The following ENOX1 variants were observed in gnomAD, a reference collection of about 807,000 sequenced individuals.
ENOX1 encodes ecto-NOX disulfide-thiol exchanger 1.
In ENOX1, 42 loss-of-function variants were observed where a neutral mutation model predicts 82.5. That is an observed-to-expected ratio of 0.51 (90% CI 0.40 to 0.66). The LOEUF is 0.66. Ranked by LOEUF, ENOX1 falls within the 30% of genes least tolerant of loss-of-function variation. ENOX1 has a pLI of 0.00. For synonymous variants in ENOX1, 271 were observed against 282.2 expected, an observed-to-expected ratio of 0.96 and a Z score of 0.40; for missense variants, 608 against 811.6, an observed-to-expected ratio of 0.75 and a Z score of 3.05.
chr13:43,578,525 T>C (rs2080547928), intron 2 of ENOX1, among the ~76,000 whole-genome samples: 1 of 152,232 alleles, frequency 6.6e-6, no homozygotes, highest in Non-Finnish European at 1.5e-5. Context: ...ATGAAATTTA[T>C]CCTCAGTTCA....
intron 2 of ENOX1, among the ~76,000 whole-genome samples, chr13:43,582,395 A>G (rs868146079): frequency 9.2e-5 from 14 of 152,186 alleles, no homozygotes; most frequent in African/African-American, 3.1e-4. Context: ...CAGAAAAAGT[A>G]ATAAATATAC....
chr13:43,642,663 G>A (rs573099490), intron 2 of ENOX1, among the ~76,000 whole-genome samples: 1 of 152,128 alleles, frequency 6.6e-6, no homozygotes, highest in Non-Finnish European at 1.5e-5. Flanking sequence ...GGAAAGTATA[G>A]ACTTCATTTC....
intron 14 of ENOX1, among the ~76,000 whole-genome samples, chr13:43,241,866 T>C (rs2042851751): frequency 6.6e-6 from 1 of 152,216 alleles, no homozygotes; most frequent in South Asian, 2.1e-4. Flanking sequence ...GAGCTCTTTT[T>C]CAATAGCTTA....
chr13:43,620,802 T>C (rs1292559634), intron 2 of ENOX1, among the ~76,000 whole-genome samples: 1 of 152,230 alleles, frequency 6.6e-6, no homozygotes, highest in Non-Finnish European at 1.5e-5. Context: ...GTTTCTTTGT[T>C]GACTTTCTGT....
chr13:43,626,848 TTC>T (rs2082986770), intron 2 of ENOX1, among the ~76,000 whole-genome samples: 1 of 151,962 alleles, frequency 6.6e-6, no homozygotes, highest in Non-Finnish European at 1.5e-5. Flanking sequence ...CTTACTGATT[TTC>T]TGTATAACTG....
At chr13:43,380,922 A>C (rs2051997509) in intron 5 of ENOX1, among the ~76,000 whole-genome samples, 1 of 151,852 alleles carries the variant, frequency 6.6e-6, no homozygotes. Context: ...AAAACTAATA[A>C]AATGGAAAGC....
chr13:43,689,884 C>A (rs575415873), intron 1 of ENOX1, among the ~76,000 whole-genome samples: 2 of 152,286 alleles, frequency 1.3e-5, no homozygotes, highest in South Asian at 4.2e-4. Context: ...CCCAAACCAT[C>A]CCACTTTGCA....
intron 2 of ENOX1, among the ~76,000 whole-genome samples, chr13:43,632,553 C>T (rs778687066): frequency 2.6e-5 from 4 of 151,886 alleles, no homozygotes; most frequent in Non-Finnish European, 4.4e-5. Flanking sequence ...TCAAGCGATT[C>T]TCCTGCCTCA....
chr13:43,501,044 A>G (rs1465326908), intron 2 of ENOX1, among the ~76,000 whole-genome samples: 1 of 151,854 alleles, frequency 6.6e-6, no homozygotes, highest in Non-Finnish European at 1.5e-5. Context: ...ATAGTATTTT[A>G]CTTATCAATA....
intron 2 of ENOX1, among the ~76,000 whole-genome samples, chr13:43,527,387 T>C (rs1225387174): frequency 6.6e-6 from 1 of 152,116 alleles, no homozygotes. Flanking sequence ...CACTATACAA[T>C]GTTACACTTA....
At chr13:43,222,087 G>C (rs977537104) in intron 16 of ENOX1, among the ~76,000 whole-genome samples, 2 of 152,132 alleles carry the variant, frequency 1.3e-5, no homozygotes, top group African/African-American at 4.8e-5. Context: ...CACCTCGTGT[G>C]TTTCCTCTGT....
intron 16 of ENOX1, among the ~76,000 whole-genome samples, chr13:43,218,297 C>T (rs946283133): frequency 1.3e-5 from 2 of 152,274 alleles, no homozygotes; most frequent in Admixed American, 1.3e-4. Flanking sequence ...GAACAGACCA[C>T]TTCAAATAAA....
At chr13:43,522,554 AC>A (rs2077816032) in intron 2 of ENOX1, among the ~76,000 whole-genome samples, 1 of 152,136 alleles carries the variant, frequency 6.6e-6, no homozygotes, top group African/African-American at 2.4e-5. Flanking sequence ...AGGTCTCGCA[AC>A]GCCTTGTCTG....
At chr13:43,714,241 T>C (rs2087946518) in intron 1 of ENOX1, among the ~76,000 whole-genome samples, 1 of 152,204 alleles carries the variant, frequency 6.6e-6, no homozygotes, top group Admixed American at 6.5e-5. Flanking sequence ...AGTTTCTTAA[T>C]CCCGAGTTCT....
intron 12 of ENOX1, among the ~76,000 whole-genome samples, chr13:43,285,170 TTAAC>T (rs1420037405): frequency 2.6e-5 from 4 of 152,200 alleles, no homozygotes; most frequent in Admixed American, 6.5e-5. Flanking sequence ...AACATAGTCT[TTAAC>T]TAACCATCTA....
intron 2 of ENOX1, among the ~76,000 whole-genome samples, chr13:43,526,169 A>G (rs1593636331): frequency 6.6e-6 from 1 of 152,170 alleles, no homozygotes; most frequent in East Asian, 1.9e-4. Context: ...TGGCAGACAA[A>G]TGGAAGTACA....
intron 3 of ENOX1, among the ~76,000 whole-genome samples, chr13:43,417,242 C>CAGGAGAGGGAGAGGGAGA (rs1555267014): frequency 1.7e-4 from 14 of 82,766 alleles, no homozygotes; most frequent in South Asian, 5.5e-4. Flanking sequence ...AGACGGGAGA[C>CAGGAGAGGGAGAGGGAGA]GGGAGAGGGA....
intron 2 of ENOX1, among the ~76,000 whole-genome samples, chr13:43,514,923 C>T (rs2077503805): frequency 6.6e-6 from 1 of 152,030 alleles, no homozygotes. Flanking sequence ...AACCTTGTCA[C>T]CAGGATTGAG....
intron 2 of ENOX1, among the ~76,000 whole-genome samples, chr13:43,601,533 A>G (rs886423131): frequency 3.3e-5 from 5 of 152,102 alleles, no homozygotes; most frequent in African/African-American, 1.2e-4. Context: ...AAGCATGCCT[A>G]CAAGGTCTGG....
Sources: gnomAD v4.1 joint callset for allele counts (sites outside exome capture counted in the v4.1 genomes callset) on GRCh38, gnomAD v4.1.1 for gene constraint, MANE v1.5 for transcripts, NCBI Gene and HGNC (gene_info 2026-07-23, HGNC 2026-07-21) for gene names.